The following ATP10B variants were observed in gnomAD, a reference collection of about 807,000 sequenced individuals.
ATP10B encodes phospholipid-transporting ATPase VB.
Under a neutral mutation model 141.2 loss-of-function variants are expected in ATP10B, and 122 were observed. The ratio of observed to expected loss-of-function variants is 0.86; its 90% CI spans 0.75 to 1.00. The LOEUF (loss-of-function observed/expected upper bound fraction) is 1.00, where lower values mean the gene tolerates loss of function less well. Ranked by LOEUF, ATP10B falls within the 50% of genes least tolerant of loss-of-function variation. ATP10B has a pLI of 0.00. For synonymous variants in ATP10B, 685 were observed against 692.0 expected (o/e 0.99, Z 0.16); for missense variants, 1,876 against 1,825.3 (o/e 1.03, Z -0.51).
At chr5:160,780,609 T>C (rs934211190) in intron 2 of ATP10B, among the ~76,000 whole-genome samples, 1 of 152,192 alleles carries the variant, frequency 6.6e-6, no homozygotes, top group South Asian at 2.1e-4. Context: ...TTTACCCCAG[T>C]GTACTGTGTA....
the ATP10B span, among the ~76,000 whole-genome samples, chr5:160,894,321 A>C: frequency 5.3e-5 from 8 of 152,196 alleles, no homozygotes; most frequent in African/African-American, 1.7e-4. Flanking sequence ...TGTTACATGA[A>C]TTGCTAACTA....
intron 24 of ATP10B, among the ~76,000 whole-genome samples, chr5:160,578,963 T>G (rs1289970932): frequency 6.6e-6 from 1 of 152,256 alleles, no homozygotes; most frequent in Non-Finnish European, 1.5e-5. Flanking sequence ...ATATGTTTGT[T>G]GGCCACATAA....
At chr5:160,718,888 C>T (rs528537885) in intron 2 of ATP10B, among the ~76,000 whole-genome samples, 4 of 152,166 alleles carry the variant, frequency 2.6e-5, no homozygotes, top group Non-Finnish European at 5.9e-5. Flanking sequence ...CTCTAGAGTG[C>T]TCCTCGTGAA....
chr5:160,641,504 G>A (rs115062116), intron 9 of ATP10B, among the ~76,000 whole-genome samples: 1,623 of 152,328 alleles, frequency 0.011, 14 homozygotes, highest in Non-Finnish European at 0.016. Flanking sequence ...AGTAGGGGAA[G>A]CTGAGGGCTA....
chr5:160,592,746 C>T (rs928771579), intron 22 of ATP10B, among the ~76,000 whole-genome samples: 11 of 152,248 alleles, frequency 7.2e-5, no homozygotes, highest in Non-Finnish European at 1.5e-4. Flanking sequence ...TAAAAAATGG[C>T]GCACCAGGAG....
chr5:160,636,140 C>A (rs1254327519), intron 11 of ATP10B, 42 bp downstream of exon 11: 2 of 1,554,666 alleles, frequency 1.3e-6, no homozygotes, highest in East Asian at 2.3e-5. Context: ...GGAGTTTTGG[C>A]CACATATCTT....
intron 17 of ATP10B, among the ~76,000 whole-genome samples, chr5:160,614,777 T>C (rs1303853799): frequency 3.9e-5 from 6 of 152,202 alleles, no homozygotes; most frequent in Non-Finnish European, 7.3e-5. Flanking sequence ...GCTGGGCAGC[T>C]GGAGGCATGT....
chr5:160,747,995 G>GAAAA lies in ATP10B; in HGVS notation c.-330-30965_-330-30962dup, dbSNP rs3075589. Among the ~76,000 whole-genome samples, 42 of 99,030 alleles carry GAAAA rather than the reference G, an allele frequency of 4.2e-4. 1 individual carries two copies. Among genetic ancestry groups the GAAAA allele is most frequent in the African/African-American group, 1.5e-3 (39 of 25,488 alleles). 65.0% of individuals were successfully genotyped at this position (99,030 alleles called of 152,430 possible). On this transcript the variant is annotated intron_variant, in intron 2 of 25. Transcript: ENST00000327245. The stretch of plus-strand genomic sequence containing the variant: ...CTGGGTCCAGCTGAGCATTGAGAGA[G>GAAAA]AAAAAAAAAAAAAAAAAAAAAGCGG...
intron 8 of ATP10B, among the ~76,000 whole-genome samples, chr5:160,647,566 G>A (rs1230633843): frequency 6.6e-6 from 1 of 152,320 alleles, no homozygotes; most frequent in East Asian, 1.9e-4. Context: ...GCTGAGAAAG[G>A]CTGGCTGTTA....
intron 2 of ATP10B, among the ~76,000 whole-genome samples, chr5:160,772,101 C>G (rs540426641): frequency 1.2e-4 from 18 of 152,330 alleles, no homozygotes; most frequent in African/African-American, 3.8e-4. Context: ...AGAGATTTCT[C>G]TTAGATATAC....
Position 160,785,789 on chromosome 5 carries a change from C to T in ATP10B, c.-561G>A, listed in dbSNP as rs1771102380. 1 of 760,274 alleles carries T rather than the reference C, an allele frequency of 1.3e-6. No individual in the cohort carries two copies. The highest frequency in any genetic ancestry group is 1.8e-5 in the African/African-American group (1 of 54,060). The allele number at this position is 760,274 out of a possible 1,614,324, so 47.1% of individuals were successfully genotyped here. On this transcript the variant is annotated 5_prime_UTR_variant, in exon 2 of 26. Coordinates refer to ENST00000327245, the MANE Select transcript of ATP10B (RefSeq NM_025153.3). ...AATGTCACCAGTCGGTTCTGATTCT[C>T]TTGTCAAAGGAAGCCTGCACGACAC...
chr5:160,636,066 A>C (rs1322970842), intron 11 of ATP10B, 116 bp downstream of exon 11: 5 of 1,206,604 alleles, frequency 4.1e-6, no homozygotes, highest in Non-Finnish European at 3.4e-6. Flanking sequence ...CCATCTCCTC[A>C]TCTCAATCCA....
chr5:160,717,181 C>G (rs914178488), intron 2 of ATP10B, 147 bp from the exon 3 acceptor site: 1 of 513,288 alleles, frequency 1.9e-6, no homozygotes, highest in East Asian at 1.5e-4. Context: ...AGTAGAAAAA[C>G]ATGTGTGGAA....
At chr5:160,741,553 A>G (rs557803385) in intron 2 of ATP10B, among the ~76,000 whole-genome samples, 1 of 152,352 alleles carries the variant, frequency 6.6e-6, no homozygotes, top group African/African-American at 2.4e-5. Flanking sequence ...TACCATTGCC[A>G]GGATGAAATG....
chr5:160,684,087 A>C lies in ATP10B; in HGVS notation c.470+1992T>G, dbSNP rs188983441. ...CATCTCTGTGCTTAATAATATGAGCACTTACACAAGTTAAAACAAGGTTTC... is the reference window on the plus strand; with the variant it reads ...CATCTCTGTGCTTAATAATATGAGCCCTTACACAAGTTAAAACAAGGTTTC... On this transcript the variant is annotated intron_variant, in intron 6 of 25. Coordinates refer to ENST00000327245, the MANE Select transcript of ATP10B (RefSeq NM_025153.3). Among the ~76,000 whole-genome samples the C allele has an allele frequency of 3.7e-3, 563 of 152,330 alleles. 15 individuals carry two copies. The highest frequency in any genetic ancestry group is 0.035 in the Admixed American group (532 of 15,302).
intron 21 of ATP10B, among the ~76,000 whole-genome samples, chr5:160,599,399 A>G (rs1756947790): frequency 6.6e-6 from 1 of 152,214 alleles, no homozygotes; most frequent in Admixed American, 6.5e-5. Context: ...TTTTGGAGGC[A>G]GAGAGGCCTG....
intron 2 of ATP10B, among the ~76,000 whole-genome samples, chr5:160,774,011 T>C (rs949282792): frequency 1.3e-5 from 2 of 152,170 alleles, no homozygotes; most frequent in African/African-American, 4.8e-5. Flanking sequence ...TAAATTTTCT[T>C]CTCCTCTGTT....
At chr5:160,724,721 A>G (rs1288799705) in intron 2 of ATP10B, among the ~76,000 whole-genome samples, 1 of 152,104 alleles carries the variant, frequency 6.6e-6, no homozygotes, top group Non-Finnish European at 1.5e-5. Flanking sequence ...AAAGACTTCA[A>G]ACCTGTGATT....
At chr5:160,715,884 T>C in intron 3 of ATP10B, among the ~76,000 whole-genome samples, 1 of 151,916 alleles carries the variant, frequency 6.6e-6, no homozygotes, top group East Asian at 1.9e-4. Flanking sequence ...CTAATTTTTG[T>C]AGTTTTAGTT....
Sources: gnomAD v4.1 joint callset for allele counts (sites outside exome capture counted in the v4.1 genomes callset) on GRCh38, gnomAD v4.1.1 for gene constraint, MANE v1.5 for transcripts, NCBI Gene and HGNC (gene_info 2026-07-23, HGNC 2026-07-21) for gene names.